The following USP39 variants were observed in gnomAD, a reference collection of about 807,000 sequenced individuals.
USP39 encodes the protein ubiquitin carboxyl-terminal hydrolase 39.
A neutral mutation model predicts 66.4 loss-of-function variants in USP39; 38 were observed. The ratio of observed to expected loss-of-function variants is 0.57; its 90% CI spans 0.44 to 0.75. The LOEUF is 0.75. USP39 is among the 30% of genes least tolerant of loss of function. The pLI, the probability that USP39 is intolerant of heterozygous loss-of-function variation, is 0.00. For missense variants in USP39, 608 were observed against 714.4 expected (o/e 0.85, Z 1.70); for synonymous variants, 303 against 274.6 (o/e 1.10, Z -1.02).
intron 10 of USP39, among the ~76,000 whole-genome samples, chr2:85,642,150 A>T (rs1399507093): frequency 6.6e-6 from 1 of 152,088 alleles, no homozygotes; most frequent in Non-Finnish European, 1.5e-5. Context: ...ATCTTATTAT[A>T]GTATTGCCAG....
intron 7 of USP39, 66 bp downstream of exon 7, chr2:85,636,196 A>C: frequency 1.4e-6 from 2 of 1,464,440 alleles, no homozygotes; most frequent in Non-Finnish European, 1.9e-6. Flanking sequence ...GGTCGGTCGC[A>C]ATGGCTCATG....
intron 4 of USP39, among the ~76,000 whole-genome samples, chr2:85,624,931 C>G (rs994561495): frequency 2.7e-5 from 4 of 148,916 alleles, no homozygotes; most frequent in African/African-American, 1.0e-4. Context: ...CCATGGCACT[C>G]TAGTCTAGGC....
At chr2:85,640,504 G>A (rs1335045601) in intron 9 of USP39, among the ~76,000 whole-genome samples, 1 of 150,556 alleles carries the variant, frequency 6.6e-6, no homozygotes, top group Non-Finnish European at 1.5e-5. Flanking sequence ...GGCCAGGCTG[G>A]TCTCGATCTC....
intron 1 of USP39, among the ~76,000 whole-genome samples, chr2:85,605,389 A>G: frequency 6.6e-6 from 1 of 152,228 alleles, no homozygotes; most frequent in East Asian, 1.9e-4. Flanking sequence ...TGGTGAACAT[A>G]TAGCTTTTTA....
rs761342403 is a variant in USP39 at position 85,644,944 on chromosome 2, A to AC, written c.1428-3dup. 1.5e-5 allele frequency: 24 copies of AC among 1,614,002 alleles called. No individual in the cohort carries two copies. In the South Asian group the frequency reaches 2.6e-4, roughly 18 times the overall value. On this transcript the variant is annotated splice_polypyrimidine_tract_variant and splice_region_variant and intron_variant, in intron 10 of 12. Coordinates refer to ENST00000323701, the MANE Select transcript of USP39 (RefSeq NM_006590.4). ...TATTCCGGCTTTATTTTAACCATTAACAGAAATGTGGATCTGAGAGAATAC... is the reference window on the plus strand; with the variant it reads ...TATTCCGGCTTTATTTTAACCATTAACCAGAAATGTGGATCTGAGAGAATAC...
upstream of USP39, chr2:85,611,574 C>G (rs1339280560): frequency 2.6e-6 from 4 of 1,551,074 alleles, no homozygotes; most frequent in Non-Finnish European, 2.6e-6. Flanking sequence ...TGAGCTGAAC[C>G]TTAGGAGTAA....
chr2:85,630,396 C>A (rs1675228031), intron 5 of USP39, among the ~76,000 whole-genome samples: 1 of 152,148 alleles, frequency 6.6e-6, no homozygotes, highest in African/African-American at 2.4e-5. Flanking sequence ...ATTGTCACAG[C>A]ATAATTAGAG....
chr2:85,634,296 AG>A (rs1486171043), intron 6 of USP39, among the ~76,000 whole-genome samples: 1 of 151,312 alleles, frequency 6.6e-6, no homozygotes, highest in Non-Finnish European at 1.5e-5. Context: ...ATCTGGGGCC[AG>A]GCGCGCTGGC....
rs116704589 is a variant in USP39 at position 85,619,091 on chromosome 2, T to C, written c.269-129T>C. The stretch of plus-strand genomic sequence containing the variant: ...CGGCTAGTGGACTTTTTTTTCGATA[T>C]TGTTGCCACCCAAACAATAGGAACT... On this transcript the variant is annotated intron_variant, in intron 1 of 12. Coordinates refer to ENST00000323701, the MANE Select transcript of USP39 (RefSeq NM_006590.4). The C allele has an allele frequency of 5.9e-4, 645 of 1,085,160 alleles. 5 individuals carry two copies. The African/African-American group carries it at 9.0e-3, about 15-fold the overall frequency. The allele number at this position is 1,085,160 out of a possible 1,614,324, so 67.2% of individuals were successfully genotyped here.
At chr2:85,611,122 C>T, upstream of USP39, 1 of 381,548 alleles carries the variant, frequency 2.6e-6, no homozygotes, top group Non-Finnish European at 3.8e-6. Context: ...CGCCTGTGGT[C>T]CCAGGTACTC....
At chr2:85,636,576 T>C (rs1207049702) in intron 7 of USP39, among the ~76,000 whole-genome samples, 1 of 152,168 alleles carries the variant, frequency 6.6e-6, no homozygotes, top group Non-Finnish European at 1.5e-5. Context: ...CGGTCTCAGC[T>C]CACTGTAGCC....
chr2:85,648,233 T>C (rs1452742440), intron 12 of USP39, among the ~76,000 whole-genome samples: 1 of 152,104 alleles, frequency 6.6e-6, no homozygotes, highest in Non-Finnish European at 1.5e-5. Context: ...GTAGAAAATG[T>C]ATGAGTGAGC....
intron 1 of USP39, among the ~76,000 whole-genome samples, chr2:85,606,117 CGAA>C (rs1308761097): frequency 6.6e-6 from 1 of 152,122 alleles, no homozygotes; most frequent in African/African-American, 2.4e-5. Flanking sequence ...ATTCAGCAAG[CGAA>C]GAACATTCCA....
chr2:85,623,917 G>A, intron 4 of USP39, 135 bp downstream of exon 4: 4 of 1,006,236 alleles, frequency 4.0e-6, no homozygotes, highest in Non-Finnish European at 4.3e-6. Flanking sequence ...TCTCTTTTGG[G>A]AAGAACTGGG....
intron 10 of USP39, 109 bp from the exon 11 acceptor site, chr2:85,644,839 A>G (rs1461936415): frequency 4.8e-6 from 7 of 1,448,664 alleles, no homozygotes; most frequent in Non-Finnish European, 5.6e-6. Flanking sequence ...ACCCAGAGAA[A>G]GGGTCCTAAA....
At chr2:85,617,516 C>A (rs189971210) in intron 1 of USP39, among the ~76,000 whole-genome samples, 2 of 152,060 alleles carry the variant, frequency 1.3e-5, no homozygotes, top group Non-Finnish European at 2.9e-5. Flanking sequence ...CCCTACAAAA[C>A]GAGGAGACAA....
Position 85,648,932 on chromosome 2 carries a change from C to A in USP39, c.*124C>A. ...TAGGCCAGCCCAGCTTGTATGGGTT[C>A]TGGCTACACCAGAGCACCAAGAGCC... is the stretch of plus-strand genomic sequence containing the variant. On this transcript the variant is annotated 3_prime_UTR_variant, in exon 13 of 13. Transcript: ENST00000323701. 9.1e-7 allele frequency: 1 copy of A among 1,102,760 alleles called. No individual in the cohort carries two copies. The highest frequency in any genetic ancestry group is 1.4e-5 in the South Asian group (1 of 71,922). 68.3% of individuals were successfully genotyped at this position (1,102,760 alleles called of 1,614,324 possible).
chr2:85,645,246 T>G, intron 11 of USP39, 163 bp downstream of exon 11: 1 of 974,508 alleles, frequency 1.0e-6, no homozygotes, highest in Non-Finnish European at 1.5e-6. Flanking sequence ...TGGTTCTCAA[T>G]TTTGGCTACA....
intron 5 of USP39, among the ~76,000 whole-genome samples, chr2:85,626,371 A>G (rs1297299892): frequency 6.6e-5 from 10 of 152,212 alleles, no homozygotes; most frequent in African/African-American, 2.2e-4. Flanking sequence ...TCAAAAAAAG[A>G]AATTACTGCC....
Sources: gnomAD v4.1 joint callset for allele counts (sites outside exome capture counted in the v4.1 genomes callset) on GRCh38, gnomAD v4.1.1 for gene constraint, MANE v1.5 for transcripts, NCBI Gene and HGNC (gene_info 2026-07-23, HGNC 2026-07-21) for gene names.